XRCC3: variants seen among roughly 807,000 people sequenced by gnomAD.
XRCC3 encodes the protein DNA repair protein XRCC3.
XRCC3 carries 34 observed loss-of-function variants against 29.2 expected under a neutral mutation model. The observed-to-expected ratio is 1.16, with a 90% CI of 0.88 to 1.55. XRCC3 has a LOEUF of 1.55. XRCC3 is among the 40% of genes most tolerant of loss of function. XRCC3 has a pLI of 0.00. For synonymous variants in XRCC3, 223 were observed against 211.3 expected, an observed-to-expected ratio of 1.06 and a Z score of -0.48; for missense variants, 463 against 467.6, an observed-to-expected ratio of 0.99 and a Z score of 0.09.
Position 103,711,454 on chromosome 14 carries a change from T to G in XRCC3, c.-159+12A>C. On this transcript the variant is annotated intron_variant, in intron 3 of 9. Coordinates refer to ENST00000555055, the MANE Select transcript of XRCC3 (RefSeq NM_005432.4). ...ATCCTCCTGCAGCAGTTGAGTGCCCTGCCCGACTCACCTCTCTGGGGCTTG... is the reference window on the plus strand; with the variant it reads ...ATCCTCCTGCAGCAGTTGAGTGCCCGGCCCGACTCACCTCTCTGGGGCTTG... The G allele has an allele frequency of 2.0e-6, 1 of 497,626 alleles. No homozygotes were observed. The highest frequency in any genetic ancestry group is 3.9e-6 in the Non-Finnish European group (1 of 254,650). 30.8% of individuals were successfully genotyped at this position (497,626 alleles called of 1,614,324 possible).
intron 7 of XRCC3, chr14:103,700,690 ACAG>A (rs1227440327): frequency 6.2e-7 from 1 of 1,606,778 alleles, no homozygotes; most frequent in Non-Finnish European, 8.5e-7. Flanking sequence ...GTGGAAAACG[ACAG>A]CAGCAGCAGT....
Position 103,711,032 on chromosome 14 carries a change from C to A in XRCC3, c.55+1G>T. ...CTTTATGTAAATAGAAATAAATGTACCTTTCTTAATTGCAGCAATAATTCT... is the reference window on the plus strand; with the variant it reads ...CTTTATGTAAATAGAAATAAATGTAACTTTCTTAATTGCAGCAATAATTCT... On this transcript the variant is annotated splice_donor_variant, in intron 4 of 9. Transcript: ENST00000555055. LOFTEE classifies it high-confidence loss of function. 6.2e-7 allele frequency: 1 copy of A among 1,614,066 alleles called. No homozygotes were observed. Among genetic ancestry groups the A allele is most frequent in the South Asian group, 1.1e-5 (1 of 91,084 alleles).
At chr14:103,703,060 G>A in intron 7 of XRCC3, 113 bp downstream of exon 7, 2 of 1,489,360 alleles carry the variant, frequency 1.3e-6, no homozygotes, top group Non-Finnish European at 9.0e-7. Flanking sequence ...TCAGAGCTGA[G>A]CCCCAACTCT....
At chr14:103,706,168 C>T (rs964351193) in intron 6 of XRCC3, 48 of 366,718 alleles carry the variant, frequency 1.3e-4, no homozygotes, top group African/African-American at 8.5e-4. Flanking sequence ...GAAGCTCAGG[C>T]AGGCACAGCA....
In XRCC3 at chr14:103,708,310, C is replaced by CCT. The variant is rs3212048; in HGVS notation, c.193+211_193+212insAG. 5.6e-3 allele frequency: 3,880 copies of CCT among 690,244 alleles called. 105 individuals are homozygous for CCT. In the African/African-American group the frequency reaches 0.06, roughly 11 times the overall value. The allele number at this position is 690,244 out of a possible 1,614,324, so 42.8% of individuals were successfully genotyped here. ...AAGGTCCCCAGGAGGTCCCACAGCC[C>CCT]GTGTCCACCTCACGCATCTTCTGAC... On this transcript the variant is annotated intron_variant, in intron 5 of 9. Transcript: ENST00000555055.
Position 103,707,100 on chromosome 14 carries a change from A to G in XRCC3, c.309T>C (p.Thr103=), listed in dbSNP as rs2083462680. 6.4e-7 allele frequency: 1 copy of G among 1,553,442 alleles called. No individual in the cohort carries two copies. Among genetic ancestry groups the G allele is most frequent in the Non-Finnish European group, 8.7e-7 (1 of 1,149,158 alleles). The change falls in exon 6 of 10, where the codon ACT becomes ACC. Residue 103 remains threonine (T), a synonymous_variant. Coordinates refer to ENST00000555055, the MANE Select transcript of XRCC3 (RefSeq NM_005432.4). ...LRGGLPLDGI[T]ELAGRSSAGK... is the part of the protein sequence containing the mutation. ...CTGCCGAGCTGCGTCCGGCCAGCTC[A>G]GTGATGCCGTCCAGGGGCAGGCCAC...
At chr14:103,704,072 G>A (rs2083342989) in intron 6 of XRCC3, 2 of 153,050 alleles carry the variant, frequency 1.3e-5, no homozygotes, top group Non-Finnish European at 2.9e-5. Context: ...ACTGAGGAGT[G>A]GACGAATGAA....
intron 6 of XRCC3, chr14:103,703,919 C>T (rs890920678): frequency 2.5e-5 from 4 of 162,076 alleles, no homozygotes; most frequent in Non-Finnish European, 5.5e-5. Flanking sequence ...TGGTGCAGCT[C>T]GGAAAACAAT....
chr14:103,698,859 G>GAGGAGGGGGGC lies in XRCC3; in HGVS notation c.969_979dup (p.Ser327CysfsTer46). Reference sequence around the variant, plus strand: ...TTCGGCACTGATCGTGTAGGAACAGGAGGAGGGGGGCAGGTGGGGGGCAGA... The same window carrying GAGGAGGGGGGC: ...TTCGGCACTGATCGTGTAGGAACAGGAGGAGGGGGGCAGGAGGGGGGCAGGTGGGGGGCAGA... On this transcript the variant is annotated frameshift_variant, in exon 10 of 10. Transcript: ENST00000555055. LOFTEE classifies it low-confidence loss of function (END_TRUNC). 6.2e-7 allele frequency: 1 copy of GAGGAGGGGGGC among 1,607,780 alleles called. No individual in the cohort carries two copies. The highest frequency in any genetic ancestry group is 8.5e-7 in the Non-Finnish European group (1 of 1,177,750).
chr14:103,699,371 A>T lies in XRCC3; in HGVS notation c.767T>A (p.Ile256Asn). Residue 256 changes from isoleucine (I) to asparagine (N), a missense_variant, in exon 8 of 10, where the codon ATC becomes AAC. Transcript: ENST00000555055. ...CCCTGCCTTGGTGCTCACCTGGTTGATGCACAGCACAGGGCTCTGGAAGGC... is the reference window on the plus strand; with the variant it reads ...CCCTGCCTTGGTGCTCACCTGGTTGTTGCACAGCACAGGGCTCTGGAAGGC... ...SSAFQSPVLC[I>N]NQVTEAMEEQ... is the part of the protein sequence containing the mutation. 1.2e-6 allele frequency: 2 copies of T among 1,606,952 alleles called. No individual in the cohort carries two copies. The highest frequency in any genetic ancestry group is 1.7e-6 in the Non-Finnish European group (2 of 1,177,558).
At position 103,699,164 on chromosome 14, in the gene XRCC3, C is replaced by T. The variant is rs752896177; in HGVS notation, c.790G>A (p.Glu264Lys). 3 of 1,568,778 alleles carry T rather than the reference C, an allele frequency of 1.9e-6. No homozygotes were observed. The South Asian group carries it at 3.5e-5, about 18-fold the overall frequency. ...LCINQVTEAM[E>K]EQGAAHGPLG... is the part of the protein sequence containing the mutation. The stretch of plus-strand genomic sequence containing the variant: ...GGCCCGTGTGCTGCGCCCTGCTCCT[C>T]CATGGCCTCTGTCACCTGGAAGAGC... Residue 264 changes from glutamate (E) to lysine (K), a missense_variant, in exon 9 of 10, where the codon GAG becomes AAG. By Grantham distance (56) the Glu-to-Lys change is moderately conservative. Transcript: ENST00000555055.
At chr14:103,701,240 G>A in intron 7 of XRCC3, 1 of 1,548,026 alleles carries the variant, frequency 6.5e-7, no homozygotes. Context: ...GGACTGCCGA[G>A]TGTGGCCCGG....
chr14:103,710,075 C>G (rs756423398), intron 4 of XRCC3: 1 of 152,318 alleles, frequency 6.6e-6, no homozygotes, highest in Non-Finnish European at 1.5e-5. Flanking sequence ...AGGAGGGTCC[C>G]CGGATGACAG....
rs71126055 is a variant in XRCC3, at chr14:103,710,853, AACACACACAC to A, written c.55+170_55+179del. Reference sequence around the variant, plus strand: ...ACTGAAAGAAATCCATGTAGTTAAGAACACACACACACACACACACACACACACACCTGAA... The same window carrying A: ...ACTGAAAGAAATCCATGTAGTTAAGAACACACACACACACACACACCTGAA... On this transcript the variant is annotated intron_variant, in intron 4 of 9. Transcript: ENST00000555055. 50 of 563,364 alleles carry A rather than the reference AACACACACAC, an allele frequency of 8.9e-5. No homozygotes were observed. The East Asian group carries it at 1.2e-3, about 13-fold the overall frequency. The allele number at this position is 563,364 out of a possible 1,614,324, so 34.9% of individuals were successfully genotyped here. A position where few individuals can be genotyped will look rare whatever the true frequency, so the allele number is the denominator to read the frequency against.
At chr14:103,715,236 C>T (rs1230298154) in intron 1 of XRCC3, among the ~76,000 whole-genome samples, 188 bp downstream of exon 1, 1 of 151,970 alleles carries the variant, frequency 6.6e-6, no homozygotes. Flanking sequence ...CGAGCTGCGG[C>T]GGGGCTCCCG....
At position 103,711,193 on chromosome 14, in the gene XRCC3, C is replaced by A. The variant is rs1461459513; in HGVS notation, c.-106G>T. Reference sequence around the variant, plus strand: ...TTCAATTCAAAGCCTGTGGGAGGCCCGAACCAGGGAAGTGACAGCAGCCGA... The same window carrying A: ...TTCAATTCAAAGCCTGTGGGAGGCCAGAACCAGGGAAGTGACAGCAGCCGA... On this transcript the variant is annotated 5_prime_UTR_variant, in exon 4 of 10. Transcript: ENST00000555055. 1 of 1,288,780 alleles carries A rather than the reference C, an allele frequency of 7.8e-7. No individual in the cohort carries two copies. The highest frequency in any genetic ancestry group is 1.1e-6 in the Non-Finnish European group (1 of 895,332). 79.8% of individuals were successfully genotyped at this position (1,288,780 alleles called of 1,614,324 possible). A position where few individuals can be genotyped will look rare whatever the true frequency, so the allele number is the denominator to read the frequency against.
At chr14:103,701,245 G>A in intron 7 of XRCC3, 1 of 1,546,230 alleles carries the variant, frequency 6.5e-7, no homozygotes, top group Non-Finnish European at 8.7e-7. Flanking sequence ...GCCGAGTGTG[G>A]CCCGGAGCTG....
chr14:103,707,486 C>A lies in XRCC3; in HGVS notation c.194-271G>T, dbSNP rs3212054. Reference sequence around the variant, plus strand: ...CCTATGGGGCAATTGCAGCACCAGACGCCTTCAGCCAAAGCTTCCAGAGAG... The same window carrying A: ...CCTATGGGGCAATTGCAGCACCAGAAGCCTTCAGCCAAAGCTTCCAGAGAG... On this transcript the variant is annotated intron_variant, in intron 5 of 9. Transcript: ENST00000555055. The A allele has an allele frequency of 3.7e-3, 2,027 of 545,420 alleles. 7 individuals carry two copies. The highest frequency in any genetic ancestry group is 7.9e-3 in the Admixed American group (253 of 32,022). 33.8% of individuals were successfully genotyped at this position (545,420 alleles called of 1,614,324 possible).
chr14:103,698,584 C>T lies in XRCC3; in HGVS notation c.*214G>A. On this transcript the variant is annotated 3_prime_UTR_variant, in exon 10 of 10. Coordinates refer to ENST00000555055, the MANE Select transcript of XRCC3 (RefSeq NM_005432.4). The stretch of plus-strand genomic sequence containing the variant: ...AGGTACCCAGCAAGCGGGCCTGTCC[C>T]CAGACCCAGGGAGAGGCAGAACATC... The T allele has an allele frequency of 1.7e-6, 1 of 603,168 alleles. No homozygotes were observed. The highest frequency in any genetic ancestry group is 3.0e-6 in the Non-Finnish European group (1 of 338,778). The allele number at this position is 603,168 out of a possible 1,614,324, so 37.4% of individuals were successfully genotyped here. A position where few individuals can be genotyped will look rare whatever the true frequency, so the allele number is the denominator to read the frequency against.
Sources: gnomAD v4.1 joint callset for allele counts (sites outside exome capture counted in the v4.1 genomes callset) on GRCh38, gnomAD v4.1.1 for gene constraint, MANE v1.5 for transcripts, NCBI Gene and HGNC (gene_info 2026-07-23, HGNC 2026-07-21) for gene names.